IL5RA: variants seen among roughly 807,000 people sequenced by gnomAD.
IL5RA encodes the protein interleukin-5 receptor subunit alpha.
Under a neutral mutation model 50.0 loss-of-function variants are expected in IL5RA, and 49 were observed. The ratio of observed to expected loss-of-function variants is 0.98; its 90% CI spans 0.78 to 1.24. The LOEUF is 1.24. IL5RA is among the 50% of genes most tolerant of loss of function. The pLI is 0.00. For missense variants in IL5RA, 600 were observed against 500.4 expected (o/e 1.20, Z -1.90); for synonymous variants, 202 against 174.0 (o/e 1.16, Z -1.26).
At chr3:3,097,847 G>C in intron 7 of IL5RA, 23 bp downstream of exon 7, 3 of 1,596,710 alleles carry the variant, frequency 1.9e-6, no homozygotes, top group Non-Finnish European at 2.6e-6. Context: ...AGTTATTTCA[G>C]CTTTGGGTTA....
chr3:3,070,277 A>T lies in IL5RA; in HGVS notation c.1211T>A (p.Ile404Asn). ...AACTCCAGGCTTCTCTATATAACAGATGACTTCAATTTCCGTCTCACTGGA... is the reference window on the plus strand; with the variant it reads ...AACTCCAGGCTTCTCTATATAACAGTTGACTTCAATTTCCGTCTCACTGGA... ...AGSSETEIEV[I>N]CYIEKPGVET... Residue 404 changes from isoleucine to asparagine, a missense_variant, in exon 12 of 12, where the codon ATC becomes AAC. By Grantham distance (149) the Ile-to-Asn change is moderately radical. Transcript: ENST00000446632. 2 of 1,613,386 alleles carry T rather than the reference A, an allele frequency of 1.2e-6. No homozygotes were observed. The highest frequency in any genetic ancestry group is 1.7e-5 in the Admixed American group (1 of 59,950).
chr3:3,073,872 T>C, intron 11 of IL5RA: 1 of 430,328 alleles, frequency 2.3e-6, no homozygotes, highest in Non-Finnish European at 4.6e-6. Flanking sequence ...TTTGGAGGCC[T>C]TCCACAAATG....
At chr3:3,099,448 GCAAAACCC>G (rs1360005363) in intron 5 of IL5RA, among the ~76,000 whole-genome samples, 2 of 151,980 alleles carry the variant, frequency 1.3e-5, no homozygotes, top group African/African-American at 4.8e-5. Context: ...GGGCAACATG[GCAAAACCC>G]CAACTCTACA....
At chr3:3,096,734 T>C (rs1281191725) in intron 7 of IL5RA, among the ~76,000 whole-genome samples, 1 of 152,220 alleles carries the variant, frequency 6.6e-6, no homozygotes, top group Non-Finnish European at 1.5e-5. Context: ...AGAAATATAT[T>C]ACTGGAGAGA....
intron 9 of IL5RA, among the ~76,000 whole-genome samples, chr3:3,080,039 A>G (rs1702614792): frequency 7.0e-6 from 1 of 143,866 alleles, no homozygotes. Context: ...CTCGAAAAAA[A>G]AGAAAAGAAA....
chr3:3,074,828 G>T lies in IL5RA; in HGVS notation c.1130C>A (p.Ala377Glu). Residue 377 changes from alanine (A) to glutamate (E), a missense_variant, in exon 11 of 12, where the codon GCA becomes GAA. Ala to Glu is a moderately radical substitution (Grantham distance 107). Transcript: ENST00000446632. ...GAGATCTTTGATATTACTTTTTGGT[G>T]CTGGAATTGGTGGAAACAACTTGAT... is the stretch of plus-strand genomic sequence containing the variant. Reference protein sequence around the residue: ...LWIKLFPPIPAPKSNIKDLFV... With the variant: ...LWIKLFPPIPEPKSNIKDLFV... The T allele has an allele frequency of 6.2e-7, 1 of 1,610,940 alleles. No individual in the cohort carries two copies. The highest frequency in any genetic ancestry group is 8.5e-7 in the Non-Finnish European group (1 of 1,177,152).
At chr3:3,106,036 T>G (rs980369276) in intron 2 of IL5RA, among the ~76,000 whole-genome samples, 1 of 152,170 alleles carries the variant, frequency 6.6e-6, no homozygotes, top group African/African-American at 2.4e-5. Context: ...GTGGCTGTTA[T>G]ACATGATGGA....
intron 11 of IL5RA, among the ~76,000 whole-genome samples, chr3:3,071,815 T>C (rs375155221): frequency 6.6e-6 from 1 of 152,150 alleles, no homozygotes; most frequent in African/African-American, 2.4e-5. Context: ...GTTTCAAACT[T>C]GTGAGGTCAA....
rs1221981914 is a variant in IL5RA, at chr3:3,098,232, A to G, written c.426T>C (p.Asn142=). ...CTTGGTATGACCTTAAACGTGAATA[A>G]TTGTCTTCTGTAGTGTTTGTGGTGC... ...LTCTTNTTED[N]YSRLRSYQVS... Residue 142 remains asparagine, a synonymous_variant, in exon 6 of 12, where the codon AAT becomes AAC. Transcript: ENST00000446632. 3 of 1,614,050 alleles carry G rather than the reference A, an allele frequency of 1.9e-6. No homozygotes were observed. The highest frequency in any genetic ancestry group is 2.2e-5 in the East Asian group (1 of 44,870).
At position 3,104,883 on chromosome 3, in the gene IL5RA, A is replaced by G; in HGVS notation, c.82+20T>C. On this transcript the variant is annotated intron_variant, in intron 3 of 11. Coordinates refer to ENST00000446632, the MANE Select transcript of IL5RA (RefSeq NM_175726.4). ...TATTTTTAAAAATAAACATTATTGA[A>G]TTGAATAGAAGGTCCTTACTCTTTT... The G allele has an allele frequency of 6.9e-7, 1 of 1,455,924 alleles. No homozygotes were observed. The highest frequency in any genetic ancestry group is 9.6e-7 in the Non-Finnish European group (1 of 1,040,884). 90.2% of individuals were successfully genotyped at this position (1,455,924 alleles called of 1,614,324 possible). A position where few individuals can be genotyped will look rare whatever the true frequency, so the allele number is the denominator to read the frequency against.
In IL5RA at chr3:3,102,728, T is replaced by G. The variant is rs140350665; in HGVS notation, c.175A>C (p.Arg59=). The G allele has an allele frequency of 1.2e-6, 2 of 1,610,020 alleles. No homozygotes were observed. The highest frequency in any genetic ancestry group is 1.7e-6 in the Non-Finnish European group (2 of 1,177,070). ...ACTTGATATTCTAGATTAACATTCC[T>G]TTGCTCTTGATCAGGATTTGGTTTC... The part of the protein sequence containing the change: ...QWKPNPDQEQ[R]NVNLEYQVKI... The change falls in exon 4 of 12, where the codon AGG becomes CGG. Residue 59 remains arginine, a synonymous_variant. Transcript: ENST00000446632.
chr3:3,091,984 A>T, intron 9 of IL5RA: 1 of 1,218,268 alleles, frequency 8.2e-7, no homozygotes, highest in South Asian at 4.1e-5. Flanking sequence ...AAAACTTGGA[A>T]AAAAAACAGG....
In IL5RA at chr3:3,104,884, T is replaced by C; in HGVS notation, c.82+19A>G. 6.8e-7 allele frequency: 1 copy of C among 1,465,678 alleles called. No individual in the cohort carries two copies. Among genetic ancestry groups the C allele is most frequent in the Non-Finnish European group, 9.5e-7 (1 of 1,049,624 alleles). 90.8% of individuals were successfully genotyped at this position (1,465,678 alleles called of 1,614,324 possible). On this transcript the variant is annotated intron_variant, in intron 3 of 11. Transcript: ENST00000446632. ...ATTTTTAAAAATAAACATTATTGAA[T>C]TGAATAGAAGGTCCTTACTCTTTTC...
intron 7 of IL5RA, 89 bp from the exon 8 acceptor site, chr3:3,095,533 A>G (rs1228959728): frequency 9.6e-7 from 1 of 1,043,246 alleles, no homozygotes. Flanking sequence ...TTCTCAAGGC[A>G]TTTCTAAGAT....
chr3:3,094,278 C>G (rs1310811771), intron 8 of IL5RA, among the ~76,000 whole-genome samples: 3 of 152,178 alleles, frequency 2.0e-5, no homozygotes. Flanking sequence ...TCCTTCCACC[C>G]TCCTACCAAT....
Position 3,104,932 on chromosome 3 carries a change from A to G in IL5RA, c.53T>C (p.Leu18Pro). The part of the protein sequence containing the change: ...LLILLGATEI[L>P]QADLLPDEKI... ...TTCATCAGGAAGTAAGTCAGCTTGCAGTATCTCAGTGGCCCCCAAAAGGAT... is the reference window on the plus strand; with the variant it reads ...TTCATCAGGAAGTAAGTCAGCTTGCGGTATCTCAGTGGCCCCCAAAAGGAT... Residue 18 changes from leucine (L) to proline (P), a missense_variant, in exon 3 of 12, where the codon CTG becomes CCG. Transcript: ENST00000446632. The G allele has an allele frequency of 6.2e-7, 1 of 1,612,694 alleles. No individual in the cohort carries two copies. Among genetic ancestry groups the G allele is most frequent in the Non-Finnish European group, 8.5e-7 (1 of 1,178,758 alleles).
intron 2 of IL5RA, among the ~76,000 whole-genome samples, chr3:3,108,023 G>A (rs1208966595): frequency 6.6e-6 from 1 of 152,074 alleles, no homozygotes. Flanking sequence ...TGAGTCAACT[G>A]TGGTAACACC....
chr3:3,095,341 A>G lies in IL5RA; in HGVS notation c.813T>C (p.Asp271=). 6.2e-7 allele frequency: 1 copy of G among 1,608,708 alleles called. No individual in the cohort carries two copies. The change falls in exon 8 of 12, where the codon GAT becomes GAC. Residue 271 remains aspartate, a synonymous_variant. Transcript: ENST00000446632. ...TTGTATTGTGTATTTTTACTTCATAATCAAAGCAATGGATTGGAAAAGCAG... is the reference window on the plus strand; with the variant it reads ...TTGTATTGTGTATTTTTACTTCATAGTCAAAGCAATGGATTGGAAAAGCAG... ...PVSAFPIHCF[D]YEVKIHNTRN... is the part of the protein sequence containing the mutation.
At chr3:3,070,959 G>A (rs949253239) in intron 11 of IL5RA, among the ~76,000 whole-genome samples, 23 of 151,980 alleles carry the variant, frequency 1.5e-4, no homozygotes, top group African/African-American at 3.9e-4. Flanking sequence ...GTGCTTTGGC[G>A]GCATCACTTT....
Sources: gnomAD v4.1 joint callset for allele counts (sites outside exome capture counted in the v4.1 genomes callset) on GRCh38, gnomAD v4.1.1 for gene constraint, MANE v1.5 for transcripts, NCBI Gene and HGNC (gene_info 2026-07-23, HGNC 2026-07-21) for gene names.